Variants in SNTG2 observed in about 807,000 individuals in gnomAD.
SNTG2 encodes the protein syntrophin gamma 2.
A neutral mutation model predicts 70.9 loss-of-function variants in SNTG2; 74 were observed. The ratio of observed to expected loss-of-function variants is 1.04; its 90% CI spans 0.86 to 1.27. The LOEUF is 1.27. Among genes scored for constraint, SNTG2 ranks in the 50% most tolerant of loss-of-function variants. The probability of loss-of-function intolerance (pLI) is 0.00; values close to 1 mark genes in which losing one functional copy is unlikely to be tolerated. For synonymous variants in SNTG2, 278 were observed against 273.8 expected (o/e 1.02, Z -0.15); for missense variants, 717 against 690.7 (o/e 1.04, Z -0.43).
intron 15 of SNTG2, among the ~76,000 whole-genome samples, chr2:1,311,276 A>G (rs1456264469): frequency 6.6e-6 from 1 of 152,190 alleles, no homozygotes; most frequent in Non-Finnish European, 1.5e-5. Flanking sequence ...GAAGGAGAGC[A>G]CTTGACCTCA....
chr2:1,364,531 C>T (rs1485262301), intron 16 of SNTG2, among the ~76,000 whole-genome samples: 3 of 151,242 alleles, frequency 2.0e-5, no homozygotes, highest in African/African-American at 4.8e-5. Context: ...CCGGTGCTGG[C>T]AGATCACGAG....
intron 14 of SNTG2, among the ~76,000 whole-genome samples, chr2:1,278,072 A>C: frequency 6.6e-6 from 1 of 152,370 alleles, no homozygotes; most frequent in African/African-American, 2.4e-5. Flanking sequence ...GTTAATCGGT[A>C]AAATTTTCTT....
intron 2 of SNTG2, among the ~76,000 whole-genome samples, chr2:1,095,245 G>A (rs1472104654): frequency 2.6e-5 from 4 of 152,146 alleles, no homozygotes; most frequent in Admixed American, 6.5e-5. Context: ...ACTTCAACAC[G>A]GATTTTAGGG....
intron 9 of SNTG2, among the ~76,000 whole-genome samples, chr2:1,212,640 G>A (rs1165359690): frequency 6.6e-6 from 1 of 152,180 alleles, no homozygotes; most frequent in Admixed American, 6.5e-5. Flanking sequence ...AAACGCATAA[G>A]GGCTTAAGCT....
intron 1 of SNTG2, among the ~76,000 whole-genome samples, chr2:1,065,239 T>A (rs1388461015): frequency 6.6e-6 from 1 of 152,068 alleles, no homozygotes; most frequent in Non-Finnish European, 1.5e-5. Context: ...CACCTGCTTT[T>A]CCGGGATGCC....
intron 10 of SNTG2, among the ~76,000 whole-genome samples, chr2:1,239,159 T>G (rs1472557020): frequency 6.6e-6 from 1 of 152,224 alleles, no homozygotes; most frequent in Non-Finnish European, 1.5e-5. Flanking sequence ...GGAGCGCCCT[T>G]CAGTTCTGTC....
rs148545707 is a variant in SNTG2 at position 1,281,615 on chromosome 2, A to C, written c.1284+14044A>C. ...GTACATTGCAGGACACGTGTCCCGG[A>C]CAGCAGAACACGTCCCCAGAGTACC... On this transcript the variant is annotated intron_variant, in intron 14 of 16. Transcript: ENST00000308624. Among the ~76,000 whole-genome samples the C allele has an allele frequency of 5.0e-3, 763 of 151,912 alleles. 6 individuals are homozygous for C. The highest frequency in any genetic ancestry group is 8.2e-3 in the Non-Finnish European group (558 of 67,932).
intron 1 of SNTG2, among the ~76,000 whole-genome samples, chr2:964,506 A>G (rs1454027569): frequency 6.6e-6 from 1 of 152,208 alleles, no homozygotes; most frequent in Non-Finnish European, 1.5e-5. Context: ...ATGTGTTTGC[A>G]GGAAATGTGT....
chr2:1,211,153 G>A (rs1405316009), intron 9 of SNTG2, among the ~76,000 whole-genome samples: 3 of 152,166 alleles, frequency 2.0e-5, no homozygotes, highest in Admixed American at 2.0e-4. Flanking sequence ...CTCTAACTGT[G>A]AATTCCTTTT....
At chr2:1,125,363 G>A (rs1451271793) in intron 4 of SNTG2, among the ~76,000 whole-genome samples, 2 of 152,084 alleles carry the variant, frequency 1.3e-5, no homozygotes, top group Non-Finnish European at 2.9e-5. Context: ...GTAACAGGAA[G>A]CTGAGTTTTC....
intron 6 of SNTG2, among the ~76,000 whole-genome samples, chr2:1,153,616 G>T (rs1455874248): frequency 6.6e-6 from 1 of 152,170 alleles, no homozygotes; most frequent in African/African-American, 2.4e-5. Flanking sequence ...TGCATAGAGT[G>T]ACTTAAATTC....
intron 12 of SNTG2, among the ~76,000 whole-genome samples, chr2:1,252,023 A>T: frequency 6.6e-6 from 1 of 152,194 alleles, no homozygotes; most frequent in East Asian, 1.9e-4. Context: ...AGTTAGATCC[A>T]CCAGGCTTGA....
intron 6 of SNTG2, among the ~76,000 whole-genome samples, chr2:1,142,842 C>A (rs1668846116): frequency 6.6e-6 from 1 of 152,208 alleles, no homozygotes; most frequent in Non-Finnish European, 1.5e-5. Flanking sequence ...AACACATACT[C>A]CCATGCACAA....
rs116352578 is a variant in SNTG2, at chr2:1,173,108, C to T, written c.516C>T (p.Ser172=). 3.1e-4 allele frequency: 503 copies of T among 1,613,992 alleles called. 3 individuals carry two copies. In the African/African-American group the frequency reaches 5.3e-3, roughly 17 times the overall value. The change falls in exon 8 of 17, where the codon TCC becomes TCT. Residue 172 remains serine (S), a synonymous_variant. Coordinates refer to ENST00000308624, the MANE Select transcript of SNTG2 (RefSeq NM_018968.4). ...TTGCTGCAGGGTCCCCAGGGCCATC[C>T]AGCGACCACAGCAGTGGGGCCTCCT... ...LKLPLGSPGP[S]SDHSSGASSP...
At chr2:1,287,679 G>A (rs1333253453) in intron 14 of SNTG2, among the ~76,000 whole-genome samples, 4 of 152,306 alleles carry the variant, frequency 2.6e-5, no homozygotes, top group East Asian at 1.9e-4. Flanking sequence ...GCGAGCACTC[G>A]TCATTCTCAT....
intron 15 of SNTG2, among the ~76,000 whole-genome samples, chr2:1,308,879 A>C (rs896443089): frequency 1.3e-5 from 2 of 150,942 alleles, no homozygotes; most frequent in African/African-American, 2.5e-5. Context: ...AAACGCTTTG[A>C]AAAAAAACAC....
chr2:1,279,843 A>G (rs1030637711), intron 14 of SNTG2, among the ~76,000 whole-genome samples: 4 of 152,210 alleles, frequency 2.6e-5, no homozygotes, highest in African/African-American at 9.6e-5. Context: ...AGCTAGATAC[A>G]TTGTATATGA....
At chr2:986,888 T>C (rs529323608) in intron 1 of SNTG2, among the ~76,000 whole-genome samples, 58 of 152,404 alleles carry the variant, frequency 3.8e-4, no homozygotes, top group African/African-American at 1.4e-3. Flanking sequence ...CTAAATTTTA[T>C]AGAATATTCT....
chr2:1,103,027 C>A (rs1665884552), intron 4 of SNTG2, among the ~76,000 whole-genome samples: 1 of 152,156 alleles, frequency 6.6e-6, no homozygotes, highest in Non-Finnish European at 1.5e-5. Context: ...CCCTGGAGCC[C>A]CCGCCCCCTG....
Sources: gnomAD v4.1 joint callset for allele counts (sites outside exome capture counted in the v4.1 genomes callset) on GRCh38, gnomAD v4.1.1 for gene constraint, MANE v1.5 for transcripts, NCBI Gene and HGNC (gene_info 2026-07-23, HGNC 2026-07-21) for gene names.